FHIT: variants seen among roughly 807,000 people sequenced by gnomAD.
FHIT encodes the protein fragile histidine triad diadenosine triphosphatase, also known as bis(5'-adenosyl)-triphosphatase.
A neutral mutation model predicts 17.9 loss-of-function variants in FHIT; 19 were observed. The ratio of observed to expected loss-of-function variants is 1.06; its 90% confidence interval spans 0.74 to 1.56. The LOEUF (loss-of-function observed/expected upper bound fraction) is 1.56, where lower values mean the gene tolerates loss of function less well. FHIT is among the 40% of genes most tolerant of loss of function. The pLI is 0.00. For missense variants in FHIT, 248 were observed against 189.2 expected, an observed-to-expected ratio of 1.31 and a Z score of -1.82; for synonymous variants, 81 against 69.7, an observed-to-expected ratio of 1.16 and a Z score of -0.81.
chr3:60,247,608 G>A (rs1209500552), intron 5 of FHIT, among the ~76,000 whole-genome samples: 4 of 151,916 alleles, frequency 2.6e-5, no homozygotes, highest in East Asian at 3.9e-4. Context: ...AATCATATAC[G>A]CCCAGCCTCT....
In FHIT at chr3:60,950,971, G is replaced by A. The variant is rs909311726; in HGVS notation, c.-111+91076C>T. Among the ~76,000 whole-genome samples the A allele has an allele frequency of 5.9e-5, 9 of 152,158 alleles. 1 individual carries two copies. The highest frequency in any genetic ancestry group is 1.9e-4 in the East Asian group (1 of 5,174). On this transcript the variant is annotated intron_variant, in intron 3 of 9. Transcript: ENST00000492590. ...GACCATGAAGACAAAAAAATAACAC[G>A]CTAAGAACAGTAGAAGAGAAATGCC...
intron 5 of FHIT, among the ~76,000 whole-genome samples, chr3:60,290,163 C>T (rs904799707): frequency 5.9e-5 from 9 of 152,088 alleles, no homozygotes; most frequent in African/African-American, 2.2e-4. Context: ...GAGAAGTCAG[C>T]ACATACCCTA....
At chr3:60,483,543 T>G (rs2033709742) in intron 5 of FHIT, among the ~76,000 whole-genome samples, 1 of 152,210 alleles carries the variant, frequency 6.6e-6, no homozygotes, top group Admixed American at 6.5e-5. Flanking sequence ...TCAATAAACG[T>G]AATCTATCAC....
intron 8 of FHIT, among the ~76,000 whole-genome samples, chr3:59,784,664 T>G (rs1457005050): frequency 6.6e-6 from 1 of 152,190 alleles, no homozygotes; most frequent in Non-Finnish European, 1.5e-5. Context: ...AACATCCTTT[T>G]TCTTCCTTGT....
intron 2 of FHIT, among the ~76,000 whole-genome samples, chr3:61,182,590 T>G (rs1005366087): frequency 1.3e-5 from 2 of 152,220 alleles, no homozygotes; most frequent in Non-Finnish European, 2.9e-5. Flanking sequence ...CATGGAATAC[T>G]GTAACAAACT....
chr3:60,834,118 T>C (rs1455448508), intron 3 of FHIT, among the ~76,000 whole-genome samples: 2 of 152,318 alleles, frequency 1.3e-5, no homozygotes, highest in Non-Finnish European at 2.9e-5. Flanking sequence ...GGTGTGAACA[T>C]AAGCTTTTGT....
At chr3:59,910,533 G>A (rs1343916529) in intron 8 of FHIT, among the ~76,000 whole-genome samples, 1 of 152,082 alleles carries the variant, frequency 6.6e-6, no homozygotes, top group Non-Finnish European at 1.5e-5. Context: ...TGAGTCTCTG[G>A]TCTCAGGTTT....
At chr3:60,248,725 C>T (rs1453257391) in intron 5 of FHIT, among the ~76,000 whole-genome samples, 3 of 152,036 alleles carry the variant, frequency 2.0e-5, no homozygotes, top group Admixed American at 1.3e-4. Flanking sequence ...TATGCCACCC[C>T]TACATATGCC....
chr3:60,192,355 G>A (rs1413887194), intron 5 of FHIT, among the ~76,000 whole-genome samples: 1 of 152,054 alleles, frequency 6.6e-6, no homozygotes, highest in African/African-American at 2.4e-5. Flanking sequence ...GGAGACAAAT[G>A]CAGATGTAGG....
chr3:60,935,080 T>C (rs1553772743), intron 3 of FHIT, among the ~76,000 whole-genome samples: 1 of 152,066 alleles, frequency 6.6e-6, no homozygotes, highest in Non-Finnish European at 1.5e-5. Context: ...GAGAGACAGA[T>C]GGACACCATA....
chr3:60,090,857 A>C (rs1024839710), intron 5 of FHIT, among the ~76,000 whole-genome samples: 2 of 152,168 alleles, frequency 1.3e-5, no homozygotes, highest in African/African-American at 4.8e-5. Context: ...CTGTTGTCTG[A>C]GCTCTGGGGT....
At chr3:60,980,746 TA>T (rs983064340) in intron 3 of FHIT, among the ~76,000 whole-genome samples, 1 of 152,218 alleles carries the variant, frequency 6.6e-6, no homozygotes, top group African/African-American at 2.4e-5. Flanking sequence ...TGCCTCAATA[TA>T]AACTGTAGCC....
intron 8 of FHIT, among the ~76,000 whole-genome samples, chr3:59,866,353 G>A (rs1019694865): frequency 9.9e-5 from 15 of 152,204 alleles, no homozygotes; most frequent in Admixed American, 9.8e-4. Flanking sequence ...AACTGCTATT[G>A]GGTGAATAAA....
intron 3 of FHIT, among the ~76,000 whole-genome samples, chr3:60,843,518 C>T (rs1553745666): frequency 6.6e-6 from 1 of 152,112 alleles, no homozygotes; most frequent in Admixed American, 6.5e-5. Flanking sequence ...TCTAAAGCAA[C>T]CAGAAGAACA....
intron 5 of FHIT, among the ~76,000 whole-genome samples, chr3:60,443,308 T>C (rs2031059675): frequency 6.6e-6 from 1 of 152,192 alleles, no homozygotes; most frequent in Admixed American, 6.5e-5. Flanking sequence ...TCCAACACTA[T>C]GTTGAATAGG....
At chr3:60,937,158 C>A (rs1188101953) in intron 3 of FHIT, among the ~76,000 whole-genome samples, 5 of 152,172 alleles carry the variant, frequency 3.3e-5, no homozygotes, top group African/African-American at 1.2e-4. Flanking sequence ...TTTCTCTCAT[C>A]TGCTGAAAAG....
intron 3 of FHIT, among the ~76,000 whole-genome samples, chr3:60,929,283 T>C (rs1403259231): frequency 6.6e-6 from 1 of 152,212 alleles, no homozygotes; most frequent in Admixed American, 6.5e-5. Context: ...CTGGAAGCAC[T>C]CCCTTTGAAA....
chr3:59,764,863 AACAC>A (rs57549363), intron 8 of FHIT, among the ~76,000 whole-genome samples: 3,585 of 145,348 alleles, frequency 0.025, 155 homozygotes, highest in African/African-American at 0.083. Flanking sequence ...GGCAACTGCA[AACAC>A]ACACACACAC....
At chr3:60,931,412 T>C (rs1553771763) in intron 3 of FHIT, among the ~76,000 whole-genome samples, 1 of 152,228 alleles carries the variant, frequency 6.6e-6, no homozygotes, top group Admixed American at 6.5e-5. Context: ...TACGTATTCA[T>C]GTATTTAAAA....
Sources: gnomAD v4.1 joint callset for allele counts (sites outside exome capture counted in the v4.1 genomes callset) on GRCh38, gnomAD v4.1.1 for gene constraint, MANE v1.5 for transcripts, NCBI Gene and HGNC (gene_info 2026-07-23, HGNC 2026-07-21) for gene names.